AKT3: variants seen among roughly 807,000 people sequenced by gnomAD.
AKT3 encodes AKT serine/threonine kinase 3.
AKT3 carries 15 observed loss-of-function variants against 65.3 expected under a neutral mutation model. The observed-to-expected ratio is 0.23, with a 90% CI of 0.15 to 0.35. The LOEUF is 0.35. AKT3 is among the 10% of genes least tolerant of loss of function. The probability of loss-of-function intolerance (pLI) is 1.00; values close to 1 mark genes in which losing one functional copy is unlikely to be tolerated. For synonymous variants in AKT3, 206 were observed against 183.8 expected, an observed-to-expected ratio of 1.12 and a Z score of -0.98; for missense variants, 243 against 576.5, an observed-to-expected ratio of 0.42 and a Z score of 5.92.
intron 2 of AKT3, among the ~76,000 whole-genome samples, chr1:243,828,511 C>A (rs1694310796): frequency 6.6e-6 from 1 of 152,154 alleles, no homozygotes; most frequent in Non-Finnish European, 1.5e-5. Flanking sequence ...TCTGCCTCAG[C>A]CACTCCTGAG....
chr1:243,726,473 A>G (rs1687218483), intron 2 of AKT3, among the ~76,000 whole-genome samples: 1 of 152,242 alleles, frequency 6.6e-6, no homozygotes, highest in Non-Finnish European at 1.5e-5. Context: ...CAAATATTTA[A>G]TATGGTTGTT....
intron 11 of AKT3, among the ~76,000 whole-genome samples, chr1:243,551,466 T>C (rs1673059400): frequency 6.6e-6 from 1 of 152,140 alleles, no homozygotes; most frequent in South Asian, 2.1e-4. Context: ...GATAAAGCCA[T>C]GTTCCTTACA....
intron 2 of AKT3, among the ~76,000 whole-genome samples, chr1:243,716,632 A>AC (rs1474116930): frequency 6.6e-6 from 1 of 152,240 alleles, no homozygotes; most frequent in Non-Finnish European, 1.5e-5. Context: ...TATAATAAAC[A>AC]CAAATCAAGC....
chr1:243,747,291 T>G (rs1688533293), intron 2 of AKT3, among the ~76,000 whole-genome samples: 1 of 152,138 alleles, frequency 6.6e-6, no homozygotes, highest in East Asian at 1.9e-4. Context: ...CAAACAAAAA[T>G]GTCAGAAGTT....
upstream of AKT3, among the ~76,000 whole-genome samples, chr1:243,850,614 G>C (rs1231660890): frequency 6.7e-5 from 10 of 150,340 alleles, no homozygotes; most frequent in Non-Finnish European, 1.3e-4. Flanking sequence ...CGCGGGGCTT[G>C]TTGTTGACTT....
At chr1:243,625,647 A>T (rs1391923939) in intron 6 of AKT3, among the ~76,000 whole-genome samples, 2 of 152,144 alleles carry the variant, frequency 1.3e-5, no homozygotes, top group Non-Finnish European at 2.9e-5. Flanking sequence ...CAAAACCAAG[A>T]CAGTACTGGA....
chr1:243,832,674 T>C lies in AKT3; in HGVS notation c.46+10451A>G, dbSNP rs553801695. Among the ~76,000 whole-genome samples, 13 of 152,182 alleles carry C rather than the reference T, an allele frequency of 8.5e-5. No homozygotes were observed. The South Asian group carries it at 2.7e-3, about 32-fold the overall frequency. On this transcript the variant is annotated intron_variant, in intron 2 of 13. Transcript: ENST00000673466. ...AAGGCGCTCTCCCATTCCTTGAAAC[T>C]AGAGTGGAATGGCTAGAACTCAGAA...
chr1:243,702,776 T>C (rs1199155519), intron 2 of AKT3: 1 of 152,198 alleles, frequency 6.6e-6, no homozygotes, highest in East Asian at 1.9e-4. Context: ...AGTATTAATT[T>C]GACTAATACT....
chr1:243,520,520 G>C (rs1670657075), intron 12 of AKT3, among the ~76,000 whole-genome samples: 1 of 152,034 alleles, frequency 6.6e-6, no homozygotes, highest in Non-Finnish European at 1.5e-5. Flanking sequence ...AAACATTTCT[G>C]TCAACTGACT....
At chr1:243,497,344 G>C (rs935684384), downstream of AKT3, among the ~76,000 whole-genome samples, 1 of 143,072 alleles carries the variant, frequency 7.0e-6, no homozygotes, top group Non-Finnish European at 1.5e-5. Flanking sequence ...GGGTGGGGGG[G>C]GGGGCGTTGA....
intron 2 of AKT3, among the ~76,000 whole-genome samples, chr1:243,785,875 T>C (rs572422355): frequency 6.6e-6 from 1 of 152,302 alleles, no homozygotes; most frequent in Admixed American, 6.5e-5. Flanking sequence ...ACTGCTTTTG[T>C]CCATCCCAAC....
intron 2 of AKT3, among the ~76,000 whole-genome samples, chr1:243,789,682 A>C (rs1440724920): frequency 6.6e-6 from 1 of 152,176 alleles, no homozygotes; most frequent in Non-Finnish European, 1.5e-5. Context: ...TCCTTTCCGG[A>C]AAGTTTTTCA....
At chr1:243,518,289 A>G (rs573105985) in intron 12 of AKT3, among the ~76,000 whole-genome samples, 11 of 152,186 alleles carry the variant, frequency 7.2e-5, no homozygotes, top group Non-Finnish European at 1.5e-4. Context: ...AGGGAAGCAA[A>G]GACCCTACAT....
chr1:243,488,955 T>A (rs1196575051), intron 13 of AKT3: 3 of 1,611,826 alleles, frequency 1.9e-6, no homozygotes, highest in Non-Finnish European at 2.5e-6. Flanking sequence ...ACACAGCCCC[T>A]GGGCCTGTTG....
chr1:243,720,429 T>TAAAAAAAAAAAAAAAAAAAAA (rs66716743), intron 2 of AKT3, among the ~76,000 whole-genome samples: 2 of 96,042 alleles, frequency 2.1e-5, no homozygotes, highest in African/African-American at 4.8e-5. Flanking sequence ...AAAGACATAG[T>TAAAAAAAAAAAAAAAAAAAAA]AAAAAAAAAA....
chr1:243,569,911 C>T (rs1429476618), intron 9 of AKT3, among the ~76,000 whole-genome samples: 1 of 152,188 alleles, frequency 6.6e-6, no homozygotes, highest in Admixed American at 6.5e-5. Context: ...ATTTGGACTA[C>T]TGAAGAAGTC....
At chr1:243,636,271 TAA>T (rs1361429637) in intron 6 of AKT3, among the ~76,000 whole-genome samples, 6 of 152,050 alleles carry the variant, frequency 3.9e-5, no homozygotes, top group African/African-American at 9.7e-5. Flanking sequence ...TTTAATTTGT[TAA>T]GTTTATTTAA....
chr1:243,788,197 A>G (rs1010531814), intron 2 of AKT3, among the ~76,000 whole-genome samples: 1 of 152,198 alleles, frequency 6.6e-6, no homozygotes, highest in South Asian at 2.1e-4. Context: ...CAGGGAATAT[A>G]GCTTATTATA....
chr1:243,847,746 A>G lies in AKT3; in HGVS notation c.-113+2294T>C, dbSNP rs116693758. 5.5e-3 allele frequency among the ~76,000 whole-genome samples: 835 copies of G among 152,236 alleles called. 10 individuals carry two copies. Among genetic ancestry groups the G allele is most frequent in the African/African-American group, 0.019 (791 of 41,528 alleles). On this transcript the variant is annotated intron_variant, in intron 1 of 13. Coordinates refer to ENST00000673466, the MANE Select transcript of AKT3 (RefSeq NM_005465.7). The stretch of plus-strand genomic sequence containing the variant: ...ATTTTCTGAATGAAATGTAAATATT[A>G]AAAGTTTTTAATTAAACCAGCACAC...
Sources: allele counts gnomAD v4.1 joint callset (sites outside exome capture counted in the v4.1 genomes callset), GRCh38; gene constraint gnomAD v4.1.1; transcripts MANE v1.5; gene names NCBI Gene and HGNC (gene_info 2026-07-23, HGNC 2026-07-21).